The following MSI2 variants were observed in gnomAD, a reference collection of about 807,000 sequenced individuals.
MSI2 encodes the protein musashi RNA binding protein 2.
Under a neutral mutation model 45.6 loss-of-function variants are expected in MSI2, and 17 were observed. That is an observed-to-expected ratio of 0.37 (90% CI 0.26 to 0.56). The LOEUF is 0.56. MSI2 is among the 20% of genes least tolerant of loss of function. The pLI is 0.77. For synonymous variants in MSI2, 156 were observed against 158.2 expected, an observed-to-expected ratio of 0.99 and a Z score of 0.11; for missense variants, 293 against 444.2, an observed-to-expected ratio of 0.66 and a Z score of 3.06.
chr17:57,654,559 C>T (rs1911445738), intron 11 of MSI2, among the ~76,000 whole-genome samples: 1 of 152,194 alleles, frequency 6.6e-6, no homozygotes, highest in Non-Finnish European at 1.5e-5. Context: ...GTGTGTGCAT[C>T]AGTCTAGGCC....
At chr17:57,382,304 A>ATGAGAGGC (rs2083611307) in intron 5 of MSI2, among the ~76,000 whole-genome samples, 1 of 152,202 alleles carries the variant, frequency 6.6e-6, no homozygotes, top group Admixed American at 6.5e-5. Flanking sequence ...GTGCTAGAAG[A>ATGAGAGGC]TGAGAGGCTG....
At chr17:57,322,335 T>C (rs1391210027) in intron 5 of MSI2, among the ~76,000 whole-genome samples, 1 of 152,230 alleles carries the variant, frequency 6.6e-6, no homozygotes, top group Non-Finnish European at 1.5e-5. Context: ...GGTCAGGGTT[T>C]GGTTCTCAGA....
intron 6 of MSI2, among the ~76,000 whole-genome samples, chr17:57,403,415 C>T (rs2084028242): frequency 6.6e-6 from 1 of 152,200 alleles, no homozygotes; most frequent in African/African-American, 2.4e-5. Flanking sequence ...ACCATTGCTG[C>T]CCTTAGAACA....
chr17:57,315,775 G>A (rs182259923), intron 5 of MSI2, among the ~76,000 whole-genome samples: 239 of 152,278 alleles, frequency 1.6e-3, no homozygotes, highest in African/African-American at 5.5e-3. Flanking sequence ...GACTTCTTCC[G>A]TGGAAACCTT....
intron 6 of MSI2, among the ~76,000 whole-genome samples, chr17:57,438,075 T>A (rs2084723281): frequency 6.6e-6 from 1 of 152,060 alleles, no homozygotes; most frequent in South Asian, 2.1e-4. Context: ...CTTCTGAACA[T>A]GTTTGGCCTT....
chr17:57,546,872 T>A (rs1203456064), intron 7 of MSI2, among the ~76,000 whole-genome samples: 4 of 152,242 alleles, frequency 2.6e-5, no homozygotes, highest in Non-Finnish European at 5.9e-5. Context: ...ATGCTAGTTC[T>A]GGCAGTACTG....
At chr17:57,269,786 A>C (rs1442771101) in intron 5 of MSI2, among the ~76,000 whole-genome samples, 1 of 152,182 alleles carries the variant, frequency 6.6e-6, no homozygotes, top group Non-Finnish European at 1.5e-5. Context: ...CCCGTGGCTC[A>C]GAGCAGTCTG....
At chr17:57,257,226 C>G (rs964524676) in intron 2 of MSI2, 88 bp downstream of exon 2, 5 of 538,206 alleles carry the variant, frequency 9.3e-6, no homozygotes, top group East Asian at 4.8e-5. Flanking sequence ...GCCCCCCCCC[C>G]CCCGCCATTG....
chr17:57,305,381 C>A (rs974644541), intron 5 of MSI2, among the ~76,000 whole-genome samples: 1 of 152,128 alleles, frequency 6.6e-6, no homozygotes, highest in Non-Finnish European at 1.5e-5. Context: ...TCCTTAGTAA[C>A]ACACACTCAC....
intron 6 of MSI2, among the ~76,000 whole-genome samples, chr17:57,509,701 G>T (rs948590755): frequency 6.6e-6 from 1 of 152,086 alleles, no homozygotes; most frequent in Non-Finnish European, 1.5e-5. Flanking sequence ...GATTACAGGC[G>T]TGAGCCACCA....
At chr17:57,559,385 G>C (rs376397985) in intron 7 of MSI2, among the ~76,000 whole-genome samples, 1 of 152,236 alleles carries the variant, frequency 6.6e-6, no homozygotes, top group Non-Finnish European at 1.5e-5. Context: ...TGAGGATAGC[G>C]TGGTTTCCCT....
rs1176865306 is a variant in MSI2 at position 57,526,408 on chromosome 17, T to TGTGTGTGTGA, written c.406-3267_406-3266insTGTGTGTGAG. Among the ~76,000 whole-genome samples the TGTGTGTGTGA allele has an allele frequency of 8.4e-5, 10 of 118,588 alleles. No individual in the cohort carries two copies. The East Asian group carries it at 9.9e-4, about 12-fold the overall frequency. The allele number at this position is 118,588 out of a possible 152,430, so 77.8% of individuals were successfully genotyped here. A position where few individuals can be genotyped will look rare whatever the true frequency, so the allele number is the denominator to read the frequency against. On this transcript the variant is annotated intron_variant, in intron 6 of 13. Transcript: ENST00000284073. The stretch of plus-strand genomic sequence containing the variant: ...GTGTGTGTGTGTGTGTGTGTGTGTG[T>TGTGTGTGTGA]GACAGAGAGAGAGAGAGAGAGACAA...
chr17:57,454,290 G>T (rs753479460), intron 6 of MSI2, among the ~76,000 whole-genome samples: 2 of 152,206 alleles, frequency 1.3e-5, no homozygotes, highest in Admixed American at 6.5e-5. Context: ...AATGGTGCTG[G>T]TGTCCAATGA....
intron 12 of MSI2, 22 bp from the exon 13 acceptor site, chr17:57,676,965 C>T (rs1567973365): frequency 2.0e-6 from 3 of 1,530,946 alleles, no homozygotes; most frequent in Non-Finnish European, 2.7e-6. Context: ...CACTGATGAC[C>T]TTAACAATTG....
At chr17:57,492,142 G>C (rs929703470) in intron 6 of MSI2, among the ~76,000 whole-genome samples, 1 of 152,176 alleles carries the variant, frequency 6.6e-6, no homozygotes, top group Non-Finnish European at 1.5e-5. Flanking sequence ...TCTTTCATTT[G>C]TAATTCTTGA....
chr17:57,403,604 C>T lies in MSI2; in HGVS notation c.405+2133C>T, dbSNP rs142333663. ...TTTTGAATGTATCAAAGCCATAATG[C>T]TCTTCAATGCTCATATTTTAGTAGC... On this transcript the variant is annotated intron_variant, in intron 6 of 13. Coordinates refer to ENST00000284073, the MANE Select transcript of MSI2 (RefSeq NM_138962.4). Among the ~76,000 whole-genome samples, 669 of 152,256 alleles carry T rather than the reference C, an allele frequency of 4.4e-3. 3 individuals are homozygous for T. Among genetic ancestry groups the T allele is most frequent in the African/African-American group, 0.015 (642 of 41,532 alleles).
intron 6 of MSI2, among the ~76,000 whole-genome samples, chr17:57,436,510 G>A (rs911603577): frequency 3.3e-5 from 5 of 152,244 alleles, no homozygotes; most frequent in Admixed American, 1.3e-4. Context: ...CTGGGTGGAT[G>A]TGGGGAGAGA....
chr17:57,304,373 G>A (rs927639137), intron 5 of MSI2, among the ~76,000 whole-genome samples: 43 of 137,698 alleles, frequency 3.1e-4, no homozygotes, highest in Middle Eastern at 3.7e-3. Flanking sequence ...AAAAAAAAAA[G>A]AAAAAAGAAA....
At chr17:57,362,931 G>A (rs1454461200) in intron 5 of MSI2, among the ~76,000 whole-genome samples, 1 of 152,182 alleles carries the variant, frequency 6.6e-6, no homozygotes, top group Non-Finnish European at 1.5e-5. Flanking sequence ...AAATGGTGTA[G>A]CCACTGTACA....
Sources: gnomAD v4.1 joint callset for allele counts (sites outside exome capture counted in the v4.1 genomes callset) on GRCh38, gnomAD v4.1.1 for gene constraint, MANE v1.5 for transcripts, NCBI Gene and HGNC (gene_info 2026-07-23, HGNC 2026-07-21) for gene names.